The following NBPF11 variants were observed in gnomAD, a reference collection of about 807,000 sequenced individuals.
NBPF11 encodes the protein NBPF family member NBPF11.
A neutral mutation model predicts 93.9 loss-of-function variants in NBPF11; 72 were observed. The ratio of observed to expected loss-of-function variants is 0.77; its 90% CI spans 0.63 to 0.93. NBPF11 has a LOEUF of 0.93. NBPF11 is among the 40% of genes least tolerant of loss of function. NBPF11 has a pLI of 0.00. For missense variants in NBPF11, 705 were observed against 802.2 expected (o/e 0.88, Z 1.46); for synonymous variants, 224 against 304.9 (o/e 0.73, Z 2.76).
At position 148,113,069 on chromosome 1, in the gene NBPF11, T is replaced by C. The variant is rs1365620303; in HGVS notation, c.1637+1368A>G. On this transcript the variant is annotated intron_variant, in intron 15 of 23. Transcript: ENST00000682118. ...GGAAGAAACTGCATCAACTAACGGG[T>C]GAAATAACCAGCAAACATCATAACG... Among the ~76,000 whole-genome samples the C allele has an allele frequency of 1.5e-3, 224 of 149,858 alleles. 2 individuals are homozygous for C. Among genetic ancestry groups the C allele is most frequent in the African/African-American group, 5.2e-3 (211 of 40,912 alleles).
At chr1:148,140,624 T>C (rs1281996425) in intron 2 of NBPF11, among the ~76,000 whole-genome samples, 1 of 149,588 alleles carries the variant, frequency 6.7e-6, no homozygotes, top group Non-Finnish European at 1.5e-5. Context: ...ATTAATAAGA[T>C]ATACAGATGG....
At chr1:148,147,368 T>G (rs1571500241) in intron 1 of NBPF11, among the ~76,000 whole-genome samples, 1 of 152,032 alleles carries the variant, frequency 6.6e-6, no homozygotes, top group South Asian at 2.1e-4. Flanking sequence ...GCTGCGGAGC[T>G]TGGCCATCCT....
intron 11 of NBPF11, 134 bp from the exon 12 acceptor site, chr1:148,117,920 T>A: frequency 1.7e-6 from 1 of 599,820 alleles, no homozygotes; most frequent in Non-Finnish European, 3.0e-6. Flanking sequence ...TTGAAAGGAA[T>A]GTCTGTGGCC....
chr1:148,146,920 A>G (rs1673225370), intron 1 of NBPF11: 1 of 1,600,302 alleles, frequency 6.2e-7, no homozygotes, highest in Non-Finnish European at 8.5e-7. Context: ...CCTGCGCACC[A>G]GGTGAGGGCG....
Position 148,115,670 on chromosome 1 carries a change from T to C in NBPF11, c.1585+123A>G. The C allele has an allele frequency of 3.2e-6, 4 of 1,245,868 alleles. 1 individual carries two copies. Among genetic ancestry groups the C allele is most frequent in the South Asian group, 2.7e-5 (2 of 74,292 alleles). The allele number at this position is 1,245,868 out of a possible 1,614,324, so 77.2% of individuals were successfully genotyped here. On this transcript the variant is annotated intron_variant, in intron 14 of 23. Transcript: ENST00000682118. ...TGAGAAGGACAAAAAAACTCCCTGA[T>C]ATCTGTTTAGAAACCCATCACAGTT...
chr1:148,129,331 T>G (rs1489010130), intron 4 of NBPF11, among the ~76,000 whole-genome samples: 2 of 149,222 alleles, frequency 1.3e-5, no homozygotes, highest in African/African-American at 5.0e-5. Flanking sequence ...TATTTTTTCT[T>G]TTTTAAGTGG....
At chr1:148,150,111 T>C (rs1388612098) in intron 1 of NBPF11, among the ~76,000 whole-genome samples, 1 of 151,604 alleles carries the variant, frequency 6.6e-6, no homozygotes, top group East Asian at 1.9e-4. Context: ...GTTCTATTTC[T>C]TAATCTGTGG....
In NBPF11 at chr1:148,111,180, C is replaced by G. The variant is rs1431912821; in HGVS notation, c.1638-639G>C. Among the ~76,000 whole-genome samples the G allele has an allele frequency of 1.5e-3, 223 of 151,842 alleles. 2 individuals are homozygous for G. Among genetic ancestry groups the G allele is most frequent in the Admixed American group, 5.8e-3 (89 of 15,236 alleles). On this transcript the variant is annotated intron_variant, in intron 15 of 23. Transcript: ENST00000682118. ...AGGGACCTGACTGTTAGAAGGAAAA[C>G]TAACACACAGAAAGGGATAGCATCA...
intron 4 of NBPF11, among the ~76,000 whole-genome samples, chr1:148,129,135 T>C (rs1344448625): frequency 6.9e-6 from 1 of 144,586 alleles, no homozygotes; most frequent in African/African-American, 2.6e-5. Context: ...GTATTATTTA[T>C]ATATACACAT....
intron 1 of NBPF11, among the ~76,000 whole-genome samples, chr1:148,144,208 G>T (rs1254022116): frequency 6.7e-6 from 1 of 148,654 alleles, no homozygotes; most frequent in Non-Finnish European, 1.5e-5. Context: ...GGTCTATCTG[G>T]TCTATCTGTA....
chr1:148,145,709 T>C lies in NBPF11; in HGVS notation c.-548-2023A>G, dbSNP rs1313941069. Among the ~76,000 whole-genome samples the C allele has an allele frequency of 3.3e-4, 50 of 151,466 alleles. 1 individual carries two copies. The East Asian group carries it at 7.9e-3, about 24-fold the overall frequency. On this transcript the variant is annotated intron_variant, in intron 1 of 23. Coordinates refer to ENST00000682118, the MANE Select transcript of NBPF11 (RefSeq NM_001385469.3). ...GGCTATGCAACATGGCAAAACCCCA[T>C]GTCTAGTAAAAATACAAAAAACAGC...
At chr1:148,129,074 C>G (rs1265306245) in intron 4 of NBPF11, among the ~76,000 whole-genome samples, 1 of 128,462 alleles carries the variant, frequency 7.8e-6, no homozygotes, top group Non-Finnish European at 1.7e-5. Flanking sequence ...GTGCAGCAAA[C>G]CAACATGGCA....
At chr1:148,112,252 A>C (rs1459133490) in intron 15 of NBPF11, among the ~76,000 whole-genome samples, 7 of 145,456 alleles carry the variant, frequency 4.8e-5, no homozygotes, top group African/African-American at 1.8e-4. Flanking sequence ...TGCTTCACCC[A>C]TTAACTCATC....
intron 4 of NBPF11, among the ~76,000 whole-genome samples, chr1:148,127,932 G>A (rs1571464154): frequency 6.6e-6 from 1 of 152,022 alleles, no homozygotes; most frequent in East Asian, 1.9e-4. Flanking sequence ...TGGGATTACA[G>A]GCGTGAGCCA....
intron 6 of NBPF11, among the ~76,000 whole-genome samples, chr1:148,124,620 C>T (rs1458858874): frequency 2.1e-4 from 32 of 151,858 alleles, no homozygotes; most frequent in African/African-American, 7.8e-4. Context: ...CTGAATGCTG[C>T]TGGGTGGTTC....
intron 2 of NBPF11, among the ~76,000 whole-genome samples, 176 bp from the exon 3 acceptor site, chr1:148,137,985 C>T (rs1296618828): frequency 6.0e-5 from 9 of 150,644 alleles, no homozygotes; most frequent in Non-Finnish European, 1.2e-4. Flanking sequence ...CATGCCTGCA[C>T]TGGCCTCTGA....
intron 1 of NBPF11, among the ~76,000 whole-genome samples, chr1:148,144,072 C>T (rs1218678278): frequency 1.3e-5 from 2 of 151,844 alleles, no homozygotes; most frequent in East Asian, 3.9e-4. Context: ...ATTTGAGTAG[C>T]CAGGGAAGTT....
intron 2 of NBPF11, among the ~76,000 whole-genome samples, chr1:148,139,097 A>C (rs1438103049): frequency 6.6e-6 from 1 of 151,660 alleles, no homozygotes; most frequent in Non-Finnish European, 1.5e-5. Context: ...ATCTCCAAAA[A>C]AAAAGATAAA....
chr1:148,126,760 T>G, intron 5 of NBPF11, 69 bp downstream of exon 5: 1 of 1,512,392 alleles, frequency 6.6e-7, no homozygotes. Context: ...GATGAAATTA[T>G]TTTTGATGGA....
Sources: gnomAD v4.1 joint callset for allele counts (sites outside exome capture counted in the v4.1 genomes callset) on GRCh38, gnomAD v4.1.1 for gene constraint, MANE v1.5 for transcripts, NCBI Gene and HGNC (gene_info 2026-07-23, HGNC 2026-07-21) for gene names.